The following ART3 variants were observed in gnomAD, a reference collection of about 807,000 sequenced individuals.
ART3 encodes ADP-ribosyltransferase 3 (inactive), also known as ecto-ADP-ribosyltransferase 3.
In ART3, 49 loss-of-function variants were observed where a neutral mutation model predicts 48.5. That is an observed-to-expected ratio of 1.01 (90% CI 0.80 to 1.28). ART3 has a LOEUF of 1.28. Ranked by LOEUF, ART3 falls within the 50% of genes most tolerant of loss-of-function variation. ART3 has a pLI of 0.00. For synonymous variants in ART3, 145 were observed against 157.2 expected, an observed-to-expected ratio of 0.92 and a Z score of 0.58; for missense variants, 438 against 454.3, an observed-to-expected ratio of 0.96 and a Z score of 0.33.
At chr4:76,052,598 C>T (rs6850515) in intron 1 of ART3, among the ~76,000 whole-genome samples, 89,058 of 151,892 alleles carry the variant, frequency 0.59, 26,970 homozygotes, top group East Asian at 0.94. Flanking sequence ...CATCATCCAC[C>T]GCCCCCAACC....
chr4:76,104,330 T>C, intron 9 of ART3: 1 of 983,560 alleles, frequency 1.0e-6, no homozygotes, highest in Non-Finnish European at 1.2e-6. Flanking sequence ...GGCTAACATC[T>C]CATTGCCTGT....
intron 1 of ART3, among the ~76,000 whole-genome samples, chr4:76,058,271 CTTTG>C (rs937447534): frequency 1.1e-4 from 17 of 152,116 alleles, no homozygotes; most frequent in Admixed American, 3.9e-4. Context: ...GTAACAATGA[CTTTG>C]TTTGTAGTCT....
At position 76,050,397 on chromosome 4, in the gene ART3, A is replaced by G. The variant is rs558666152; in HGVS notation, c.-9-25484A>G. The stretch of plus-strand genomic sequence containing the variant: ...CAGAGTGTCGACACAAAGGTTCTCC[A>G]GGGCCCCACCAGAATAGCTAGATAC... On this transcript the variant is annotated intron_variant, in intron 1 of 9. Coordinates refer to the ART3 transcript ENST00000341029. 9.6e-3 allele frequency among the ~76,000 whole-genome samples: 1,465 copies of G among 152,206 alleles called. 9 individuals carry two copies. The highest frequency in any genetic ancestry group is 0.015 in the Non-Finnish European group (989 of 67,980).
intron 1 of ART3, chr4:76,036,320 A>G (rs1734401035): frequency 3.1e-6 from 1 of 318,692 alleles, no homozygotes; most frequent in African/African-American, 2.1e-5. Flanking sequence ...AATCCATTTA[A>G]TTGTCGGACT....
At chr4:76,075,747 A>G in intron 1 of ART3, 134 bp from the exon 2 acceptor site, 1 of 639,082 alleles carries the variant, frequency 1.6e-6, no homozygotes, top group Non-Finnish European at 2.7e-6. Flanking sequence ...TTAGGAATTT[A>G]TTGATAATCA....
chr4:76,083,863 A>C (rs1722995170), intron 3 of ART3, among the ~76,000 whole-genome samples: 1 of 152,130 alleles, frequency 6.6e-6, no homozygotes, highest in African/African-American at 2.4e-5. Context: ...ACAAAGGAAA[A>C]GGGAATTAGA....
intron 1 of ART3, among the ~76,000 whole-genome samples, chr4:76,057,183 T>A (rs1032191804): frequency 6.6e-5 from 10 of 152,222 alleles, no homozygotes; most frequent in African/African-American, 1.9e-4. Context: ...TTATTAGTGA[T>A]GTTTACCTTG....
intron 1 of ART3, among the ~76,000 whole-genome samples, chr4:76,062,559 C>CTTTTTTTTTT (rs34383642): frequency 1.8e-5 from 2 of 113,096 alleles, no homozygotes; most frequent in African/African-American, 6.9e-5. Context: ...AAAAATAAAT[C>CTTTTTTTTTT]TTTTTTTTTT....
At chr4:76,049,066 G>T (rs1735783942) in intron 1 of ART3, among the ~76,000 whole-genome samples, 1 of 151,972 alleles carries the variant, frequency 6.6e-6, no homozygotes, top group Non-Finnish European at 1.5e-5. Flanking sequence ...TGTTAGGCCT[G>T]TTAGTCTCAG....
chr4:76,082,357 A>T lies in ART3; in HGVS notation c.603A>T (p.Leu201Phe), dbSNP rs1161218889. 1 of 1,614,050 alleles carries T rather than the reference A, an allele frequency of 6.2e-7. No individual in the cohort carries two copies. The highest frequency in any genetic ancestry group is 1.7e-5 in the Admixed American group (1 of 59,990). ...PQAANDQLTV[L>F]SIYTCLGVDI... The stretch of plus-strand genomic sequence containing the variant: ...CTGCTAATGACCAGCTCACTGTGTT[A>T]TCCATCTACACATGCCTTGGAGTTG... Residue 201 changes from leucine to phenylalanine, a missense_variant, in exon 3 of 12, where the codon TTA becomes TTT. By Grantham distance (22) the Leu-to-Phe change is conservative. This residue lies in a region of ART3 where 227 missense variants were observed against 229.6 expected (regional missense o/e 0.99). Coordinates refer to ENST00000355810, the MANE Select transcript of ART3 (RefSeq NM_001130016.3).
At chr4:76,050,417 A>G (rs549554263) in intron 1 of ART3, among the ~76,000 whole-genome samples, 2 of 152,274 alleles carry the variant, frequency 1.3e-5, no homozygotes, top group South Asian at 4.1e-4. Context: ...CAGAATAGCT[A>G]GATACGGAGT....
intron 1 of ART3, chr4:76,034,921 C>G (rs1734214554): frequency 2.2e-6 from 3 of 1,346,078 alleles, no homozygotes; most frequent in Non-Finnish European, 3.2e-6. Context: ...ACCAAGGACC[C>G]CTTAACAGAA....
chr4:76,100,322 T>G lies in ART3; in HGVS notation c.877+2T>G. On this transcript the variant is annotated splice_donor_variant, in intron 6 of 11. Coordinates refer to ENST00000355810, the MANE Select transcript of ART3 (RefSeq NM_001130016.3). LOFTEE classifies it high-confidence loss of function. ...AAAACCAGAAGCTTGAAGACCATAGTAAGACATTTTTATAAATTCTGGGGG... is the reference window on the plus strand; with the variant it reads ...AAAACCAGAAGCTTGAAGACCATAGGAAGACATTTTTATAAATTCTGGGGG... 6.2e-7 allele frequency: 1 copy of G among 1,612,342 alleles called. No individual in the cohort carries two copies. Among genetic ancestry groups the G allele is most frequent in the South Asian group, 1.1e-5 (1 of 91,042 alleles).
At chr4:76,087,207 G>A (rs745893714) in intron 3 of ART3, among the ~76,000 whole-genome samples, 2 of 152,176 alleles carry the variant, frequency 1.3e-5, no homozygotes. Context: ...AAGAACCAAA[G>A]AGGTTCTATT....
chr4:76,101,660 G>A (rs1020021619), intron 8 of ART3, among the ~76,000 whole-genome samples: 1 of 152,112 alleles, frequency 6.6e-6, no homozygotes, highest in Non-Finnish European at 1.5e-5. Context: ...GCTGAGTCAG[G>A]AGAATCACTT....
chr4:76,050,980 C>T (rs1249211796), intron 1 of ART3, among the ~76,000 whole-genome samples: 19 of 152,326 alleles, frequency 1.2e-4, no homozygotes, highest in Admixed American at 6.5e-4. Context: ...CACGCCTACC[C>T]GGAACTCCAG....
At chr4:76,014,027 C>T (rs1237547025) in intron 1 of ART3, among the ~76,000 whole-genome samples, 2 of 151,924 alleles carry the variant, frequency 1.3e-5, no homozygotes, top group Admixed American at 6.6e-5. Context: ...AAAATATTTG[C>T]TTTTTCCATT....
chr4:76,082,064 G>A lies in ART3; in HGVS notation c.310G>A (p.Glu104Lys), dbSNP rs776884042. Residue 104 changes from glutamate to lysine, a missense_variant, in exon 3 of 12, where the codon GAA (glutamate) becomes AAA (lysine). Around this residue, in one of 3 missense-constraint regions of ART3, gnomAD observed 206 missense variants for 205.3 expected, o/e 1.00. Coordinates refer to ENST00000355810, the MANE Select transcript of ART3 (RefSeq NM_001130016.3). ...HGIALMAYIS[E>K]AQEQTPFYHL... ...AATAGCCCTGATGGCATATATTTCC[G>A]AAGCTCAAGAGCAAACTCCCTTTTA... is the stretch of plus-strand genomic sequence containing the variant. 1.1e-5 allele frequency: 18 copies of A among 1,614,042 alleles called. No homozygotes were observed. The highest frequency in any genetic ancestry group is 6.7e-5 in the Admixed American group (4 of 60,000).
At chr4:76,015,778 G>A (rs988943825) in intron 1 of ART3, among the ~76,000 whole-genome samples, 3 of 152,100 alleles carry the variant, frequency 2.0e-5, no homozygotes, top group African/African-American at 4.8e-5. Context: ...ATAGGCATGC[G>A]CCACCATGCC....
Sources: allele counts gnomAD v4.1 joint callset (sites outside exome capture counted in the v4.1 genomes callset), GRCh38; gene constraint gnomAD v4.1.1; regional missense constraint gnomAD v4.1.1; transcripts MANE v1.5; gene names NCBI Gene and HGNC (gene_info 2026-07-23, HGNC 2026-07-21).